CRK: variants seen among roughly 807,000 people sequenced by gnomAD.
The protein encoded by CRK is adapter molecule crk.
CRK carries 4 observed loss-of-function variants against 29.8 expected under a neutral mutation model. That is an observed-to-expected ratio of 0.13 (90% CI 0.07 to 0.31). CRK has a LOEUF of 0.31. Among genes scored for constraint, CRK ranks in the 10% least tolerant of loss-of-function variants. The pLI, the probability that CRK is intolerant of heterozygous loss-of-function variation, is 1.00. For missense variants in CRK, 274 were observed against 396.5 expected, an observed-to-expected ratio of 0.69 and a Z score of 2.62; for synonymous variants, 153 against 164.9, an observed-to-expected ratio of 0.93 and a Z score of 0.55.
chr17:1,443,227 C>G (rs988585580), intron 1 of CRK, among the ~76,000 whole-genome samples: 3 of 152,000 alleles, frequency 2.0e-5, no homozygotes, highest in Non-Finnish European at 4.4e-5. Flanking sequence ...GTGATCCCAC[C>G]GACTTCAGCC....
chr17:1,455,432 G>T (rs1188641334), intron 1 of CRK, among the ~76,000 whole-genome samples: 2 of 152,294 alleles, frequency 1.3e-5, no homozygotes, highest in Middle Eastern at 3.4e-3. Flanking sequence ...GGGGAGCACG[G>T]CCAAACCCGG....
chr17:1,453,901 T>G (rs2074037041), intron 1 of CRK, among the ~76,000 whole-genome samples: 1 of 148,744 alleles, frequency 6.7e-6, no homozygotes, highest in Non-Finnish European at 1.5e-5. Flanking sequence ...AAAGCGAAAC[T>G]CCGCCTCAAA....
rs35227536 is a variant in CRK, at chr17:1,429,627, TAA to T, written c.778-5979_778-5978del. The stretch of plus-strand genomic sequence containing the variant: ...CAGCACAGTGAAACTCTGTCTCTCT[TAA>T]AAAAAAAAAAAAGAGGCCAGACGCA... On this transcript the variant is annotated intron_variant, in intron 2 of 2. Coordinates refer to ENST00000300574, the MANE Select transcript of CRK (RefSeq NM_016823.4). 1.2e-3 allele frequency among the ~76,000 whole-genome samples: 174 copies of T among 146,522 alleles called. 1 individual carries two copies. The highest frequency in any genetic ancestry group is 1.2e-3 in the Non-Finnish European group (83 of 66,518).
chr17:1,454,240 A>T (rs11078446), intron 1 of CRK, among the ~76,000 whole-genome samples: 81,151 of 151,842 alleles, frequency 0.53, 22,539 homozygotes, highest in South Asian at 0.64. Context: ...GAAAAATTTT[A>T]AAAAAATTAG....
rs778480122 is a variant in CRK, at chr17:1,446,319, G to A, written c.242-9164C>T. Among the ~76,000 whole-genome samples the A allele has an allele frequency of 5.9e-4, 89 of 152,084 alleles. 1 individual carries two copies. Among genetic ancestry groups the A allele is most frequent in the South Asian group, 4.1e-4 (2 of 4,828 alleles). On this transcript the variant is annotated intron_variant, in intron 1 of 2. Transcript: ENST00000300574. ...CTGTGTCCTGAGATACAACAGAATC[G>A]CCATGAGCAACTACGACCATCTGTG...
At chr17:1,450,873 C>T (rs924920951) in intron 1 of CRK, among the ~76,000 whole-genome samples, 1 of 151,460 alleles carries the variant, frequency 6.6e-6, no homozygotes, top group Non-Finnish European at 1.5e-5. Context: ...GCAACAAGAG[C>T]GAAACTCCCT....
At chr17:1,439,780 C>G (rs1289697419) in intron 1 of CRK, among the ~76,000 whole-genome samples, 1 of 152,006 alleles carries the variant, frequency 6.6e-6, no homozygotes, top group African/African-American at 2.4e-5. Context: ...AAGGTCAAGG[C>G]TACAGTGAGC....
intron 1 of CRK, among the ~76,000 whole-genome samples, chr17:1,447,242 A>G (rs908509773): frequency 4.6e-5 from 7 of 152,212 alleles, no homozygotes; most frequent in Admixed American, 4.6e-4. Context: ...CAGCCAGTCT[A>G]GAGAACAGAA....
chr17:1,445,356 AAC>A (rs2150910782), intron 1 of CRK, among the ~76,000 whole-genome samples: 1 of 152,268 alleles, frequency 6.6e-6, no homozygotes, highest in African/African-American at 2.4e-5. Flanking sequence ...GTCAGCTTAA[AAC>A]AGTGAACAGC....
At chr17:1,443,802 C>T (rs2073953366) in intron 1 of CRK, among the ~76,000 whole-genome samples, 1 of 151,410 alleles carries the variant, frequency 6.6e-6, no homozygotes, top group South Asian at 2.1e-4. Flanking sequence ...TGGGTTCATG[C>T]AATTCTCCTG....
At chr17:1,425,175 T>G (rs1045489462) in intron 2 of CRK, among the ~76,000 whole-genome samples, 1 of 151,502 alleles carries the variant, frequency 6.6e-6, no homozygotes, top group African/African-American at 2.4e-5. Flanking sequence ...CTGCAAGCTC[T>G]GCCTCCCGGG....
intron 1 of CRK, among the ~76,000 whole-genome samples, chr17:1,450,460 T>C (rs1257444734): frequency 6.6e-6 from 1 of 151,766 alleles, no homozygotes; most frequent in Non-Finnish European, 1.5e-5. Flanking sequence ...TGAGCCGAGA[T>C]CGCGCCACTG....
chr17:1,440,285 C>T (rs1365050334), intron 1 of CRK, among the ~76,000 whole-genome samples: 8 of 146,294 alleles, frequency 5.5e-5, no homozygotes, highest in Non-Finnish European at 1.0e-4. Context: ...GGCGACAGAG[C>T]GGGACTCTGT....
Position 1,455,921 on chromosome 17 carries a change from C to T in CRK, c.197G>A (p.Gly66Asp). The T allele has an allele frequency of 6.3e-7, 1 of 1,588,310 alleles. No homozygotes were observed. Among genetic ancestry groups the T allele is most frequent in the South Asian group, 1.1e-5 (1 of 88,564 alleles). The change falls in exon 1 of 3, where the codon GGC (glycine) becomes GAC (aspartate). Residue 66 changes from glycine (G) to aspartate (D), a missense_variant. By Grantham distance (94) the Gly-to-Asp change is moderately conservative. This residue lies in a region of CRK where 135 missense variants were observed against 180.9 expected (regional missense o/e 0.75). Transcript: ENST00000300574. ...CGACGGTGGCACCGGCGGGCGCGGG[C>T]CGCTGCTGTTGATGATGTAGTGGGA... ...RVSHYIINSS[G>D]PRPPVPPSPA...
intron 1 of CRK, among the ~76,000 whole-genome samples, chr17:1,448,096 C>T (rs749561423): frequency 6.6e-6 from 1 of 151,374 alleles, no homozygotes; most frequent in Non-Finnish European, 1.5e-5. Flanking sequence ...GAGCAGAGAT[C>T]GCGCCACTGC....
chr17:1,428,226 C>T (rs890217606), intron 2 of CRK, among the ~76,000 whole-genome samples: 1 of 150,476 alleles, frequency 6.6e-6, no homozygotes, highest in Non-Finnish European at 1.5e-5. Context: ...TCAAATGATT[C>T]TCCTGCCTCA....
At position 1,436,717 on chromosome 17, in the gene CRK, T is replaced by C. The variant is rs774348217; in HGVS notation, c.680A>G (p.Asn227Ser). 7 of 1,609,476 alleles carry C rather than the reference T, an allele frequency of 4.3e-6. No homozygotes were observed. Among genetic ancestry groups the C allele is most frequent in the Admixed American group, 1.7e-5 (1 of 58,830 alleles). ...ATTCTGGAGGTTAGGGAGCGGAGTG[T>C]TGACGCTGGGTTGGGCATAGGGCCC... ...EPGPYAQPSVNTPLPNLQNGP... is the reference protein window; with the variant it reads ...EPGPYAQPSVSTPLPNLQNGP... The change falls in exon 2 of 3, where the codon AAC (asparagine) becomes AGC (serine). Residue 227 changes from asparagine to serine, a missense_variant. This residue lies in a region of CRK where 121 missense variants were observed against 154.3 expected (regional missense o/e 0.78). Transcript: ENST00000300574.
chr17:1,450,491 G>A (rs573447658), intron 1 of CRK, among the ~76,000 whole-genome samples: 53 of 150,934 alleles, frequency 3.5e-4, no homozygotes, highest in Admixed American at 2.9e-3. Flanking sequence ...CGGCGTGGGC[G>A]ACAGAGCGAG....
chr17:1,433,979 CG>C (rs1415669737), intron 2 of CRK, among the ~76,000 whole-genome samples: 2 of 151,988 alleles, frequency 1.3e-5, no homozygotes, highest in East Asian at 1.9e-4. Context: ...GGATTACAGG[CG>C]TAAGTCACAG....
Sources: allele counts gnomAD v4.1 joint callset (sites outside exome capture counted in the v4.1 genomes callset), GRCh38; gene constraint gnomAD v4.1.1; regional missense constraint gnomAD v4.1.1; transcripts MANE v1.5; gene names NCBI Gene and HGNC (gene_info 2026-07-23, HGNC 2026-07-21).